Variants in ZFP1 observed in about 807,000 individuals in gnomAD.
The protein encoded by ZFP1 is zinc finger protein 1 homolog.
Under a neutral mutation model 38.5 loss-of-function variants are expected in ZFP1, and 32 were observed. The observed-to-expected ratio is 0.83, with a 90% CI of 0.63 to 1.12. The LOEUF (loss-of-function observed/expected upper bound fraction) is 1.12, where lower values mean the gene tolerates loss of function less well. Ranked by LOEUF, ZFP1 falls within the 50% of genes most tolerant of loss-of-function variation. The probability of loss-of-function intolerance (pLI) is 0.00; values close to 1 mark genes in which losing one functional copy is unlikely to be tolerated. For synonymous variants in ZFP1, 245 were observed against 168.8 expected (o/e 1.45, Z -3.50); for missense variants, 616 against 480.8 (o/e 1.28, Z -2.63).
rs1299488012 is a variant in ZFP1 at position 75,169,564 on chromosome 16, G to A, written c.454G>A (p.Gly152Arg). The A allele has an allele frequency of 1.2e-6, 2 of 1,609,822 alleles. No homozygotes were observed. The highest frequency in any genetic ancestry group is 8.5e-7 in the Non-Finnish European group (1 of 1,179,088). Residue 152 changes from glycine (G) to arginine (R), a missense_variant, in exon 4 of 4, where the codon GGA becomes AGA. Physicochemically the swap from Gly to Arg is moderately radical, Grantham distance 125. Coordinates refer to ENST00000570010, the MANE Select transcript of ZFP1 (RefSeq NM_153688.4). ...LYLKQEKTHS[G>R]VEYSEYNKSG... is the part of the protein sequence containing the mutation. ...CCTGAAGCAAGAGAAAACCCACAGT[G>A]GAGTAGAATATTCTGAATACAATAA...
At chr16:75,168,942 C>T (rs1050846088) in intron 3 of ZFP1, among the ~76,000 whole-genome samples, 3 of 152,170 alleles carry the variant, frequency 2.0e-5, no homozygotes, top group African/African-American at 4.8e-5. Flanking sequence ...CTGGCATTGC[C>T]AGCCTTCTCA....
intron 2 of ZFP1, among the ~76,000 whole-genome samples, chr16:75,156,454 C>G (rs1340400731): frequency 1.3e-5 from 1 of 77,520 alleles, no homozygotes; most frequent in Non-Finnish European, 2.9e-5. Context: ...AAGACTCTGT[C>G]TCAGAAAAAG....
At chr16:75,120,985 G>A in the ZFP1 span, among the ~76,000 whole-genome samples, 1 of 152,100 alleles carries the variant, frequency 6.6e-6, no homozygotes, top group East Asian at 1.9e-4. Flanking sequence ...TTGTTTAAAA[G>A]AAGTTTTTTA....
intron 2 of ZFP1, 59 bp from the exon 3 acceptor site, chr16:75,166,711 C>G: frequency 6.2e-7 from 1 of 1,612,234 alleles, no homozygotes; most frequent in Non-Finnish European, 8.5e-7. Context: ...AAGTTTTCAT[C>G]TATCCTTTCT....
chr16:75,135,581 C>T, the ZFP1 span, among the ~76,000 whole-genome samples: 1 of 152,098 alleles, frequency 6.6e-6, no homozygotes, highest in African/African-American at 2.4e-5. Context: ...GTCCTCGAGT[C>T]TGGGCAACAG....
At chr16:75,168,955 T>TTGTGTTC (rs1420033289) in intron 3 of ZFP1, among the ~76,000 whole-genome samples, 1 of 152,182 alleles carries the variant, frequency 6.6e-6, no homozygotes, top group East Asian at 1.9e-4. Context: ...CCTTCTCATA[T>TTGTGTTC]TGTGTTCTGT....
chr16:75,140,291 AGGTGTGGTG>A, the ZFP1 span, among the ~76,000 whole-genome samples: 1 of 150,990 alleles, frequency 6.6e-6, no homozygotes, highest in Non-Finnish European at 1.5e-5. Context: ...AGTTGAGGCC[AGGTGTGGTG>A]GCTCATGCTT....
At chr16:75,124,221 G>A in the ZFP1 span, among the ~76,000 whole-genome samples, 1 of 150,234 alleles carries the variant, frequency 6.7e-6, no homozygotes, top group Non-Finnish European at 1.5e-5. Flanking sequence ...GGAGTGCAGT[G>A]GTACAAAGCT....
chr16:75,130,026 C>G, the ZFP1 span, among the ~76,000 whole-genome samples: 2 of 151,958 alleles, frequency 1.3e-5, no homozygotes, highest in African/African-American at 2.4e-5. Context: ...CAGACAGAGT[C>G]CACTCTGTCG....
chr16:75,162,320 C>T (rs148884164), intron 2 of ZFP1, among the ~76,000 whole-genome samples: 49 of 151,716 alleles, frequency 3.2e-4, no homozygotes, highest in Non-Finnish European at 4.6e-4. Flanking sequence ...ATGGGGGTCT[C>T]GCCCTGTTGC....
At chr16:75,131,413 C>A in the ZFP1 span, among the ~76,000 whole-genome samples, 1 of 152,270 alleles carries the variant, frequency 6.6e-6, no homozygotes, top group East Asian at 1.9e-4. Flanking sequence ...TGGAGTGATG[C>A]GGCTGCTGTT....
chr16:75,165,677 C>A (rs897755148), intron 2 of ZFP1, among the ~76,000 whole-genome samples: 2 of 152,020 alleles, frequency 1.3e-5, no homozygotes, highest in Admixed American at 1.3e-4. Context: ...CTGAGCCTGG[C>A]CACCTCTGGG....
the ZFP1 span, among the ~76,000 whole-genome samples, chr16:75,120,953 G>C: frequency 3.9e-5 from 6 of 152,062 alleles, no homozygotes; most frequent in Non-Finnish European, 7.4e-5. Flanking sequence ...GAAGACTATG[G>C]TTTAGACACT....
the ZFP1 span, among the ~76,000 whole-genome samples, chr16:75,126,946 G>T: frequency 2.0e-5 from 3 of 152,100 alleles, no homozygotes; most frequent in East Asian, 5.8e-4. Context: ...GGTTTTCTTT[G>T]GGCTGTATTC....
chr16:75,167,708 T>C (rs2038173608), intron 3 of ZFP1, among the ~76,000 whole-genome samples: 1 of 152,122 alleles, frequency 6.6e-6, no homozygotes, highest in African/African-American at 2.4e-5. Context: ...CAAGTAGTCT[T>C]CCCACCTCAG....
the ZFP1 span, among the ~76,000 whole-genome samples, chr16:75,125,390 C>T: frequency 6.6e-6 from 1 of 152,166 alleles, no homozygotes; most frequent in African/African-American, 2.4e-5. Context: ...GGCACAATCT[C>T]AGCTCACTGC....
chr16:75,129,410 A>G, the ZFP1 span, among the ~76,000 whole-genome samples: 86 of 152,324 alleles, frequency 5.6e-4, no homozygotes, highest in Admixed American at 1.3e-3. Context: ...TGAGTCTTCA[A>G]AATCACTAAG....
At chr16:75,120,528 G>GT in the ZFP1 span, among the ~76,000 whole-genome samples, 1,145 of 146,188 alleles carry the variant, frequency 7.8e-3, 14 homozygotes, top group East Asian at 0.029. Context: ...GTTTTTTTTT[G>GT]TTTTTTTTTT....
the ZFP1 span, among the ~76,000 whole-genome samples, chr16:75,129,089 C>T: frequency 1.1e-4 from 16 of 152,198 alleles, no homozygotes; most frequent in South Asian, 8.3e-4. Flanking sequence ...CGCGCCGGGC[C>T]AGCCACTTTC....
Sources: gnomAD v4.1 joint callset for allele counts (sites outside exome capture counted in the v4.1 genomes callset) on GRCh38, gnomAD v4.1.1 for gene constraint, MANE v1.5 for transcripts, NCBI Gene and HGNC (gene_info 2026-07-23, HGNC 2026-07-21) for gene names.